Variants in ZFAND3 observed in about 807,000 individuals in gnomAD.
The protein encoded by ZFAND3 is AN1-type zinc finger protein 3.
In ZFAND3, 10 loss-of-function variants were observed where a neutral mutation model predicts 29.6. The ratio of observed to expected loss-of-function variants is 0.34; its 90% CI spans 0.21 to 0.57. The LOEUF is 0.57. Ranked by LOEUF, ZFAND3 falls within the 20% of genes least tolerant of loss-of-function variation. The pLI is 0.86. For synonymous variants in ZFAND3, 128 were observed against 112.6 expected, an observed-to-expected ratio of 1.14 and a Z score of -0.87; for missense variants, 230 against 304.5, an observed-to-expected ratio of 0.76 and a Z score of 1.82.
At chr6:37,906,387 A>T (rs1438910596) in intron 1 of ZFAND3, among the ~76,000 whole-genome samples, 1 of 152,160 alleles carries the variant, frequency 6.6e-6, no homozygotes, top group Admixed American at 6.6e-5. Context: ...AAATGACCGA[A>T]TAACATTCCA....
rs79156839 is a variant in ZFAND3 at position 37,820,526 on chromosome 6, G to T, written c.71+510G>T. Among the ~76,000 whole-genome samples the T allele has an allele frequency of 3.6e-3, 552 of 152,340 alleles. 1 individual carries two copies. Among genetic ancestry groups the T allele is most frequent in the Admixed American group, 5.6e-3 (85 of 15,310 alleles). On this transcript the variant is annotated intron_variant, in intron 1 of 5. Transcript: ENST00000287218. ...ATCCCAGTGCCCCATTTGCTTTTAG[G>T]AAGCTATTCACACGTCACCCGTTTG...
intron 2 of ZFAND3, 114 bp downstream of exon 2, chr6:37,930,113 GTTTTC>G: frequency 9.6e-7 from 1 of 1,039,444 alleles, no homozygotes. Context: ...ATGGGGTTTT[GTTTTC>G]TTAGCTTGTG....
intron 3 of ZFAND3, among the ~76,000 whole-genome samples, chr6:38,077,368 G>A (rs1038416293): frequency 3.3e-5 from 5 of 152,064 alleles, no homozygotes; most frequent in African/African-American, 9.7e-5. Context: ...GGTTAAAAAC[G>A]GATGATGCAT....
intron 2 of ZFAND3, among the ~76,000 whole-genome samples, chr6:37,951,371 T>C (rs1470886088): frequency 6.6e-6 from 1 of 152,102 alleles, no homozygotes; most frequent in Non-Finnish European, 1.5e-5. Context: ...GACAGGCGAA[T>C]CACGAGGTCA....
intron 2 of ZFAND3, among the ~76,000 whole-genome samples, chr6:37,975,363 T>C (rs1230197374): frequency 6.6e-6 from 1 of 152,200 alleles, no homozygotes; most frequent in Non-Finnish European, 1.5e-5. Flanking sequence ...TCCTTTATTC[T>C]GGATACAAAT....
rs139763706 is a variant in ZFAND3, at chr6:37,928,770, A to G, written c.72-1189A>G. Among the ~76,000 whole-genome samples, 623 of 152,156 alleles carry G rather than the reference A, an allele frequency of 4.1e-3. 12 individuals carry two copies. Among genetic ancestry groups the G allele is most frequent in the Admixed American group, 0.037 (570 of 15,286 alleles). ...AGCTCAGGCATTCCGCCCACCCCTC[A>G]GCCTTCTGTAGTGTTAGGATAACAG... On this transcript the variant is annotated intron_variant, in intron 1 of 5. Coordinates refer to ENST00000287218, the MANE Select transcript of ZFAND3 (RefSeq NM_021943.3).
At chr6:38,077,734 T>C (rs1222292583) in intron 3 of ZFAND3, among the ~76,000 whole-genome samples, 1 of 152,140 alleles carries the variant, frequency 6.6e-6, no homozygotes, top group Admixed American at 6.5e-5. Context: ...TCAGAGTAGA[T>C]TGTTGATCTC....
chr6:37,984,530 T>A (rs1278136183), intron 2 of ZFAND3, among the ~76,000 whole-genome samples: 1 of 152,212 alleles, frequency 6.6e-6, no homozygotes, highest in Admixed American at 6.5e-5. Flanking sequence ...TCCTCTATAG[T>A]TGATGGTAGG....
At chr6:38,089,874 G>A (rs1011222015) in intron 4 of ZFAND3, among the ~76,000 whole-genome samples, 1 of 152,112 alleles carries the variant, frequency 6.6e-6, no homozygotes, top group African/African-American at 2.4e-5. Flanking sequence ...TTGTTTTTGA[G>A]AGGGAGTCTC....
At position 38,061,616 on chromosome 6, in the gene ZFAND3, G is replaced by T; in HGVS notation, c.136G>T (p.Asp46Tyr). Reference protein sequence around the residue: ...FADFQKKQPDDDSAPSTSNSQ... With the variant: ...FADFQKKQPDYDSAPSTSNSQ... ...AGATTTTCAAAAGAAACAGCCAGAC[G>T]ATGATTCCGCTCCAAGTACAAGTAA... Residue 46 changes from aspartate to tyrosine, a missense_variant, in exon 3 of 6, where the codon GAT (aspartate) becomes TAT (tyrosine). This residue lies in a region of ZFAND3 where 180 missense variants were observed against 202.5 expected (regional missense o/e 0.89). Transcript: ENST00000287218. 6.2e-7 allele frequency: 1 copy of T among 1,614,126 alleles called. No individual in the cohort carries two copies. The highest frequency in any genetic ancestry group is 1.6e-4 in the Middle Eastern group (1 of 6,062).
intron 1 of ZFAND3, among the ~76,000 whole-genome samples, chr6:37,842,404 A>C (rs1764095103): frequency 6.6e-6 from 1 of 152,090 alleles, no homozygotes; most frequent in Non-Finnish European, 1.5e-5. Context: ...AAGTCGTATA[A>C]ATGGAGTCAT....
chr6:37,872,688 A>G (rs145509771), intron 1 of ZFAND3, among the ~76,000 whole-genome samples: 12 of 152,282 alleles, frequency 7.9e-5, no homozygotes, highest in Admixed American at 7.2e-4. Flanking sequence ...TTATGAGGTT[A>G]TTCTATGTTG....
chr6:37,980,005 AG>A (rs1762552987), intron 2 of ZFAND3, among the ~76,000 whole-genome samples: 1 of 152,206 alleles, frequency 6.6e-6, no homozygotes, highest in Non-Finnish European at 1.5e-5. Flanking sequence ...TCGGAGCTGC[AG>A]CTGCACAGGT....
chr6:38,098,430 A>G (rs368825751), intron 4 of ZFAND3, among the ~76,000 whole-genome samples: 1 of 152,278 alleles, frequency 6.6e-6, no homozygotes, highest in East Asian at 1.9e-4. Flanking sequence ...GATTACAGGC[A>G]TGAGCCACAG....
intron 2 of ZFAND3, among the ~76,000 whole-genome samples, chr6:37,959,414 A>C (rs1169869225): frequency 6.6e-6 from 1 of 152,214 alleles, no homozygotes; most frequent in Non-Finnish European, 1.5e-5. Context: ...CACTATTGTT[A>C]TGTAAATGAA....
At chr6:37,833,963 C>T (rs898891561) in intron 1 of ZFAND3, among the ~76,000 whole-genome samples, 2 of 152,094 alleles carry the variant, frequency 1.3e-5, no homozygotes, top group Non-Finnish European at 2.9e-5. Flanking sequence ...CTATCGACAT[C>T]TCACATTAGT....
At chr6:38,011,745 A>G (rs1271648707) in intron 2 of ZFAND3, among the ~76,000 whole-genome samples, 1 of 152,164 alleles carries the variant, frequency 6.6e-6, no homozygotes, top group Non-Finnish European at 1.5e-5. Context: ...TTGGTTTTGT[A>G]GTTGTCCAGA....
At chr6:37,820,275 C>T (rs1763639267) in intron 1 of ZFAND3, among the ~76,000 whole-genome samples, 1 of 151,848 alleles carries the variant, frequency 6.6e-6, no homozygotes, top group African/African-American at 2.4e-5. Context: ...CGGGGGCCTC[C>T]TGGGCCACGG....
At position 38,107,171 on chromosome 6, in the gene ZFAND3, G is replaced by T. The variant is rs140666158; in HGVS notation, c.362-9401G>T. 3.3e-5 allele frequency among the ~76,000 whole-genome samples: 5 copies of T among 152,296 alleles called. No individual in the cohort carries two copies. The East Asian group carries it at 7.7e-4, about 24-fold the overall frequency. ...AAGGAGATAATTGGAAGAATGACTT[G>T]TGTGGCCTGCTGGGTTCAATTTCAG... On this transcript the variant is annotated intron_variant, in intron 4 of 5. Transcript: ENST00000287218.
Sources: allele counts gnomAD v4.1 joint callset (sites outside exome capture counted in the v4.1 genomes callset), GRCh38; gene constraint gnomAD v4.1.1; regional missense constraint gnomAD v4.1.1; transcripts MANE v1.5; gene names NCBI Gene and HGNC (gene_info 2026-07-23, HGNC 2026-07-21).